Variants in OSBP2 observed in about 807,000 individuals in gnomAD.
OSBP2 encodes oxysterol binding protein 2.
In OSBP2, 66 loss-of-function variants were observed where a neutral mutation model predicts 96.0. The observed-to-expected ratio is 0.69, with a 90% CI of 0.56 to 0.84. The LOEUF (loss-of-function observed/expected upper bound fraction) is 0.84. OSBP2 is among the 40% of genes least tolerant of loss of function. The pLI, the probability that OSBP2 is intolerant of heterozygous loss-of-function variation, is 0.00. For synonymous variants in OSBP2, 525 were observed against 520.9 expected, an observed-to-expected ratio of 1.01 and a Z score of -0.11; for missense variants, 1,038 against 1,222.7, an observed-to-expected ratio of 0.85 and a Z score of 2.25.
chr22:30,831,433 G>A (rs1445737513), intron 2 of OSBP2, among the ~76,000 whole-genome samples: 1 of 152,158 alleles, frequency 6.6e-6, no homozygotes, highest in Non-Finnish European at 1.5e-5. Flanking sequence ...GTTGGTTTAT[G>A]TTGTACGTGG....
chr22:30,885,266 C>T (rs2039786383), intron 3 of OSBP2, among the ~76,000 whole-genome samples: 1 of 152,084 alleles, frequency 6.6e-6, no homozygotes, highest in Non-Finnish European at 1.5e-5. Flanking sequence ...GCAGCTGGGG[C>T]CACTGATGCA....
rs1298203305 is a variant in OSBP2 at position 30,893,366 on chromosome 22, AC to A, written c.1991-91del. On this transcript the variant is annotated intron_variant, in intron 9 of 13. Transcript: ENST00000332585. ...ACCTCCCTGTAGGCCTGCCTCTTCA[AC>A]CCCCCAGCCTAGTTCTCAAGACACC... 3.3e-6 allele frequency: 5 copies of A among 1,537,714 alleles called. No homozygotes were observed. In the East Asian group the frequency reaches 6.7e-5, roughly 21 times the overall value.
chr22:30,905,098 A>C (rs2040298468), intron 12 of OSBP2, among the ~76,000 whole-genome samples: 2 of 138,494 alleles, frequency 1.4e-5, no homozygotes, highest in South Asian at 4.9e-4. Context: ...GCATCAGGCC[A>C]CTTCACTCCA....
intron 1 of OSBP2, among the ~76,000 whole-genome samples, chr22:30,735,021 T>A (rs1176742720): frequency 6.6e-6 from 1 of 152,054 alleles, no homozygotes; most frequent in African/African-American, 2.4e-5. Flanking sequence ...TGAGACCTTG[T>A]CTCTACCAAA....
intron 1 of OSBP2, among the ~76,000 whole-genome samples, chr22:30,710,117 C>T (rs1045405929): frequency 1.3e-5 from 2 of 151,882 alleles, no homozygotes; most frequent in East Asian, 3.9e-4. Flanking sequence ...AACTCCTGAC[C>T]TCAGGTGATT....
intron 1 of OSBP2, among the ~76,000 whole-genome samples, chr22:30,711,739 C>CAAA (rs34152986): frequency 2.2e-5 from 2 of 91,842 alleles, no homozygotes. Context: ...GACCCTATCT[C>CAAA]AAAAAAAAAA....
At chr22:30,735,468 T>A (rs536536531) in intron 1 of OSBP2, among the ~76,000 whole-genome samples, 19 of 140,992 alleles carry the variant, frequency 1.3e-4, no homozygotes, top group Non-Finnish European at 2.6e-4. Flanking sequence ...CAGGCTGGAA[T>A]GCCTGGCTAA....
At chr22:30,762,718 T>G (rs1322013551) in intron 2 of OSBP2, among the ~76,000 whole-genome samples, 2 of 152,172 alleles carry the variant, frequency 1.3e-5, no homozygotes, top group Non-Finnish European at 2.9e-5. Context: ...CCACACCCTA[T>G]TTTCCTCAAG....
chr22:30,759,890 C>T lies in OSBP2; in HGVS notation c.853+18521C>T, dbSNP rs148179313. Among the ~76,000 whole-genome samples the T allele has an allele frequency of 6.1e-3, 920 of 151,606 alleles. 8 individuals carry two copies. Among genetic ancestry groups the T allele is most frequent in the African/African-American group, 0.021 (862 of 41,330 alleles). On this transcript the variant is annotated intron_variant, in intron 2 of 13. Coordinates refer to ENST00000332585, the MANE Select transcript of OSBP2 (RefSeq NM_030758.4). ...TTCTTTTTTTTTTGAGACAGTGTCTCGCTCTGTTGCCCAGGCTGGAGTGTG... is the reference window on the plus strand; with the variant it reads ...TTCTTTTTTTTTTGAGACAGTGTCTTGCTCTGTTGCCCAGGCTGGAGTGTG...
At position 30,822,001 on chromosome 22, in the gene OSBP2, A is replaced by C. The variant is rs1189837762; in HGVS notation, c.854-48428A>C. Among the ~76,000 whole-genome samples, 3 of 152,230 alleles carry C rather than the reference A, an allele frequency of 2.0e-5. No individual in the cohort carries two copies. The East Asian group carries it at 5.8e-4, about 29-fold the overall frequency. ...GACCAGATGCCTGCAGGCCTGTGGC[A>C]GCAGAACTAAGGGAGCCCAGCTCCC... is the stretch of plus-strand genomic sequence containing the variant. On this transcript the variant is annotated intron_variant, in intron 2 of 13. Coordinates refer to ENST00000332585, the MANE Select transcript of OSBP2 (RefSeq NM_030758.4).
intron 2 of OSBP2, among the ~76,000 whole-genome samples, chr22:30,814,200 G>A (rs144244808): frequency 2.0e-5 from 3 of 151,994 alleles, no homozygotes; most frequent in Admixed American, 6.6e-5. Context: ...CCACAGCCTC[G>A]GTGGCTTAAA....
chr22:30,846,658 T>C (rs2038877276), intron 2 of OSBP2, among the ~76,000 whole-genome samples: 1 of 152,152 alleles, frequency 6.6e-6, no homozygotes, highest in Non-Finnish European at 1.5e-5. Context: ...GACATGAGCA[T>C]TTTTTCATGT....
chr22:30,702,817 G>A (rs2089185633), intron 1 of OSBP2, among the ~76,000 whole-genome samples: 1 of 152,138 alleles, frequency 6.6e-6, no homozygotes, highest in East Asian at 1.9e-4. Flanking sequence ...GGACACCATG[G>A]CCAAGTTTGG....
intron 2 of OSBP2, among the ~76,000 whole-genome samples, chr22:30,767,138 C>CA (rs1156950666): frequency 0.061 from 4,745 of 78,402 alleles, 242 homozygotes; most frequent in East Asian, 0.15. Context: ...ACTAAAAATA[C>CA]AAAAAAAAAA....
At chr22:30,782,762 T>C (rs2145810580) in intron 2 of OSBP2, among the ~76,000 whole-genome samples, 1 of 152,310 alleles carries the variant, frequency 6.6e-6, no homozygotes, top group Middle Eastern at 3.4e-3. Flanking sequence ...ACACGTTTTT[T>C]TATCTTGGGT....
intron 2 of OSBP2, among the ~76,000 whole-genome samples, chr22:30,793,905 G>A (rs1009124152): frequency 6.6e-6 from 1 of 152,194 alleles, no homozygotes; most frequent in Non-Finnish European, 1.5e-5. Flanking sequence ...TAGCCCAAAG[G>A]TGGATGCAAC....
intron 2 of OSBP2, among the ~76,000 whole-genome samples, chr22:30,772,370 G>T (rs2090359052): frequency 6.6e-6 from 1 of 152,206 alleles, no homozygotes; most frequent in Admixed American, 6.5e-5. Flanking sequence ...TTGGTACCGT[G>T]CCTGTCGTGG....
chr22:30,761,622 A>T (rs1457792055), intron 2 of OSBP2, among the ~76,000 whole-genome samples: 2 of 152,232 alleles, frequency 1.3e-5, no homozygotes, highest in African/African-American at 4.8e-5. Flanking sequence ...AAATTAGACT[A>T]GCTAAAGCAA....
chr22:30,873,595 C>T (rs1007306843), intron 3 of OSBP2, among the ~76,000 whole-genome samples: 15 of 152,196 alleles, frequency 9.9e-5, no homozygotes, highest in African/African-American at 3.4e-4. Flanking sequence ...CAACTCCATC[C>T]CACTCCCCAG....
Sources: allele counts gnomAD v4.1 joint callset (sites outside exome capture counted in the v4.1 genomes callset), GRCh38; gene constraint gnomAD v4.1.1; transcripts MANE v1.5; gene names NCBI Gene and HGNC (gene_info 2026-07-23, HGNC 2026-07-21).